The following ESR2 variants were observed in gnomAD, a reference collection of about 807,000 sequenced individuals.
ESR2 encodes estrogen receptor beta.
A neutral mutation model predicts 49.6 loss-of-function variants in ESR2; 36 were observed. The observed-to-expected ratio is 0.73, with a 90% confidence interval of 0.56 to 0.96. ESR2 has a LOEUF of 0.96. Ranked by LOEUF, ESR2 falls within the 40% of genes least tolerant of loss-of-function variation. ESR2 has a pLI of 0.00. For missense variants in ESR2, 714 were observed against 693.0 expected (o/e 1.03, Z -0.34); for synonymous variants, 320 against 266.1 (o/e 1.20, Z -1.97).
chr14:64,335,476 G>A (rs561722244), intron 1 of ESR2, among the ~76,000 whole-genome samples: 1 of 152,312 alleles, frequency 6.6e-6, no homozygotes, highest in South Asian at 2.1e-4. Flanking sequence ...TTTACAGATG[G>A]CTGCCTTCTC....
intron 6 of ESR2, among the ~76,000 whole-genome samples, chr14:64,250,801 G>C (rs1318561058): frequency 1.3e-5 from 2 of 152,140 alleles, no homozygotes; most frequent in East Asian, 1.9e-4. Context: ...TCCTGCAGAA[G>C]TCTTTCCCAT....
In ESR2 at chr14:64,286,679, T is replaced by A. The variant is rs186353088; in HGVS notation, c.-90-3604A>T. ...AACAGAAAATATGCAGGATAAAACA[T>A]ATAGTGATAACTATTGCCAAAACTA... On this transcript the variant is annotated intron_variant, in intron 1 of 8. Transcript: ENST00000341099. 3.9e-4 allele frequency among the ~76,000 whole-genome samples: 60 copies of A among 152,228 alleles called. No individual in the cohort carries two copies. The East Asian group carries it at 8.7e-3, about 22-fold the overall frequency.
At chr14:64,249,714 G>C in intron 6 of ESR2, 35 bp from the exon 7 acceptor site, 2 of 1,574,752 alleles carry the variant, frequency 1.3e-6, no homozygotes, top group Non-Finnish European at 1.7e-6. Flanking sequence ...AAGGAACATA[G>C]CTTCAGGAAA....
downstream of ESR2, chr14:64,227,748 T>G (rs368684498): frequency 2.6e-6 from 4 of 1,547,998 alleles, no homozygotes; most frequent in African/African-American, 1.4e-5. Context: ...TTGCTCCCCA[T>G]CTCCAGGGAG....
intron 1 of ESR2, among the ~76,000 whole-genome samples, chr14:64,318,866 A>G (rs995672113): frequency 6.6e-6 from 1 of 152,078 alleles, no homozygotes; most frequent in Admixed American, 6.6e-5. Flanking sequence ...AACATGGTGC[A>G]ATCCTATCTC....
intron 6 of ESR2, among the ~76,000 whole-genome samples, chr14:64,255,274 TTA>T (rs2076076075): frequency 6.6e-6 from 1 of 152,022 alleles, no homozygotes; most frequent in African/African-American, 2.4e-5. Context: ...TCAAGGAAAA[TTA>T]TATGTGTATA....
At chr14:64,234,913 C>A (rs760729675) in intron 8 of ESR2, 57 bp downstream of exon 8, 6 of 1,586,928 alleles carry the variant, frequency 3.8e-6, no homozygotes, top group Middle Eastern at 1.8e-4. Context: ...CTTCACCCTC[C>A]GTGGAGCACA....
intron 3 of ESR2, among the ~76,000 whole-genome samples, chr14:64,273,047 A>G (rs112815832): frequency 3.3e-5 from 5 of 151,952 alleles, no homozygotes; most frequent in African/African-American, 1.2e-4. Context: ...AGTGTTTTAT[A>G]GTTTTCATTG....
chr14:64,305,223 A>G (rs908565561), intron 1 of ESR2, among the ~76,000 whole-genome samples: 22 of 149,512 alleles, frequency 1.5e-4, no homozygotes, highest in South Asian at 4.3e-4. Flanking sequence ...CCCAGGAGGC[A>G]GAGCTTGCAC....
At chr14:64,283,747 C>CAAAA (rs757997424) in intron 1 of ESR2, among the ~76,000 whole-genome samples, 20 of 45,516 alleles carry the variant, frequency 4.4e-4, no homozygotes, top group Admixed American at 1.0e-3. Flanking sequence ...GACCCTGTCT[C>CAAAA]AAAAAAAAAA....
At chr14:64,250,801 G>A (rs1318561058) in intron 6 of ESR2, among the ~76,000 whole-genome samples, 11 of 152,140 alleles carry the variant, frequency 7.2e-5, no homozygotes, top group Non-Finnish European at 1.6e-4. Flanking sequence ...TCCTGCAGAA[G>A]TCTTTCCCAT....
In ESR2 at chr14:64,232,976, C is replaced by T. The variant is rs1308450832; in HGVS notation, c.*161G>A. On this transcript the variant is annotated 3_prime_UTR_variant, in exon 9 of 9. Coordinates refer to ENST00000341099, the MANE Select transcript of ESR2 (RefSeq NM_001437.3). ...AACTATGGCTTCCTCACACCGACTC[C>T]TGAGAGTTGGGAAGGTGGAGGGAAG... is the stretch of plus-strand genomic sequence containing the variant. The T allele has an allele frequency of 2.6e-5, 36 of 1,380,840 alleles. No homozygotes were observed. Among genetic ancestry groups the T allele is most frequent in the Middle Eastern group, 5.4e-4 (2 of 3,730 alleles). 85.5% of individuals were successfully genotyped at this position (1,380,840 alleles called of 1,614,324 possible). A position where few individuals can be genotyped will look rare whatever the true frequency, so the allele number is the denominator to read the frequency against.
intron 1 of ESR2, among the ~76,000 whole-genome samples, chr14:64,316,465 A>G (rs2077256372): frequency 6.6e-6 from 1 of 152,216 alleles, no homozygotes; most frequent in Admixed American, 6.6e-5. Flanking sequence ...AATTCATTTT[A>G]TGAAACTAAT....
intron 7 of ESR2, among the ~76,000 whole-genome samples, chr14:64,238,288 G>A (rs976729604): frequency 3.9e-5 from 6 of 152,186 alleles, no homozygotes; most frequent in Admixed American, 2.0e-4. Context: ...CAGCCACAGC[G>A]GTTTGGGGAG....
At chr14:64,335,997 GT>G (rs2077526890) in intron 1 of ESR2, 1 of 150,444 alleles carries the variant, frequency 6.6e-6, no homozygotes, top group African/African-American at 2.4e-5. Flanking sequence ...GTGTGTGTGT[GT>G]GTGTGTGTGT....
intron 3 of ESR2, among the ~76,000 whole-genome samples, chr14:64,273,550 T>C (rs1173759968): frequency 6.6e-6 from 1 of 152,192 alleles, no homozygotes; most frequent in African/African-American, 2.4e-5. Flanking sequence ...CTTTTCAGCA[T>C]CAATTGAAAT....
At chr14:64,294,536 C>T (rs2076928100), upstream of ESR2, 1 of 152,260 alleles carries the variant, frequency 6.6e-6, no homozygotes, top group Non-Finnish European at 1.5e-5. Flanking sequence ...TCCTGGTCCA[C>T]CCACAAGGAT....
chr14:64,264,074 G>A (rs1370013534), intron 4 of ESR2, among the ~76,000 whole-genome samples: 2 of 146,786 alleles, frequency 1.4e-5, no homozygotes, highest in East Asian at 4.6e-4. Context: ...CATGTTGTAA[G>A]TAAGGATGTC....
chr14:64,234,058 A>G (rs571807743), intron 8 of ESR2: 2 of 152,240 alleles, frequency 1.3e-5, no homozygotes, highest in African/African-American at 2.4e-5. Flanking sequence ...CACTCTGTTC[A>G]TGACCTCAAA....
Sources: allele counts gnomAD v4.1 joint callset (sites outside exome capture counted in the v4.1 genomes callset), GRCh38; gene constraint gnomAD v4.1.1; transcripts MANE v1.5; gene names NCBI Gene and HGNC (gene_info 2026-07-23, HGNC 2026-07-21).